RGS22: variants seen among roughly 807,000 people sequenced by gnomAD.
RGS22 encodes regulator of G protein signaling 22, also known as regulator of G-protein signaling 22.
In RGS22, 148 loss-of-function variants were observed where a neutral mutation model predicts 172.9. That is an observed-to-expected ratio of 0.86 (90% confidence interval 0.75 to 0.98). The LOEUF (loss-of-function observed/expected upper bound fraction) is 0.98. Ranked by LOEUF, RGS22 falls within the 50% of genes least tolerant of loss-of-function variation. RGS22 has a pLI of 0.00. For missense variants in RGS22, 1,347 were observed against 1,440.8 expected, an observed-to-expected ratio of 0.93 and a Z score of 1.05; for synonymous variants, 458 against 480.2, an observed-to-expected ratio of 0.95 and a Z score of 0.60.
rs1812782650 is a variant in RGS22, at chr8:99,983,631, CA to C, written c.3181-1516del. ...GAAGTATCCGTTCATGTCCTTTGCCCAAAATGAGCTAGTTTTAAAGTCACAG... is the reference window on the plus strand; with the variant it reads ...GAAGTATCCGTTCATGTCCTTTGCCCAAATGAGCTAGTTTTAAAGTCACAG... On this transcript the variant is annotated intron_variant, in intron 21 of 27. Transcript: ENST00000360863. Among the ~76,000 whole-genome samples, 3 of 152,154 alleles carry C rather than the reference CA, an allele frequency of 2.0e-5. No individual in the cohort carries two copies. In the South Asian group the frequency reaches 6.2e-4, roughly 32 times the overall value.
At chr8:99,998,849 A>G (rs1814675331) in intron 19 of RGS22, among the ~76,000 whole-genome samples, 1 of 152,024 alleles carries the variant, frequency 6.6e-6, no homozygotes, top group East Asian at 1.9e-4. Context: ...ACTTCAAACC[A>G]TTCTCAACAG....
chr8:100,089,756 CTTTG>C (rs1337144936), intron 3 of RGS22, among the ~76,000 whole-genome samples: 3 of 152,108 alleles, frequency 2.0e-5, no homozygotes, highest in African/African-American at 4.8e-5. Flanking sequence ...ACCACATTAG[CTTTG>C]TTTGTTTTGG....
intron 2 of RGS22, among the ~76,000 whole-genome samples, chr8:100,104,700 C>T (rs1245213105): frequency 6.6e-6 from 1 of 152,122 alleles, no homozygotes; most frequent in African/African-American, 2.4e-5. Flanking sequence ...AATTAGCCAA[C>T]AAGAGAAGTA....
intron 3 of RGS22, among the ~76,000 whole-genome samples, chr8:100,092,706 A>C (rs1482414521): frequency 6.6e-6 from 1 of 152,102 alleles, no homozygotes; most frequent in Non-Finnish European, 1.5e-5. Flanking sequence ...ATAAATTTCC[A>C]TTCCTTATAC....
At chr8:99,967,983 T>C (rs1810930917) in intron 23 of RGS22, among the ~76,000 whole-genome samples, 1 of 152,142 alleles carries the variant, frequency 6.6e-6, no homozygotes, top group South Asian at 2.1e-4. Context: ...ACAGGATAGA[T>C]CCAAGTGGCA....
intron 23 of RGS22, among the ~76,000 whole-genome samples, chr8:99,966,680 T>C (rs1810766662): frequency 6.6e-6 from 1 of 152,172 alleles, no homozygotes. Context: ...ATTAAAGCCA[T>C]GAAAGTAAGA....
At chr8:99,999,183 C>A in intron 19 of RGS22, 79 bp downstream of exon 19, 1 of 1,207,848 alleles carries the variant, frequency 8.3e-7, no homozygotes. Flanking sequence ...AGGACAATGG[C>A]TGGGTCACCA....
At chr8:99,990,162 T>A (rs1013414282) in intron 20 of RGS22, among the ~76,000 whole-genome samples, 2 of 152,146 alleles carry the variant, frequency 1.3e-5, no homozygotes, top group East Asian at 3.9e-4. Flanking sequence ...GAGCTCCTTA[T>A]TCAGGAGGCG....
intron 23 of RGS22, among the ~76,000 whole-genome samples, chr8:99,973,465 G>A (rs1468879427): frequency 6.6e-6 from 1 of 152,136 alleles, no homozygotes; most frequent in Non-Finnish European, 1.5e-5. Context: ...GTTGAACAAT[G>A]AGAACACATG....
At chr8:100,093,814 C>G (rs1586275393) in intron 2 of RGS22, among the ~76,000 whole-genome samples, 1 of 152,120 alleles carries the variant, frequency 6.6e-6, no homozygotes, top group African/African-American at 2.4e-5. Context: ...GAAACATCAA[C>G]AAATACAAAA....
intron 4 of RGS22, among the ~76,000 whole-genome samples, chr8:100,072,804 C>T (rs1417459258): frequency 6.6e-6 from 1 of 152,148 alleles, no homozygotes; most frequent in Non-Finnish European, 1.5e-5. Flanking sequence ...GGAGAGGTTT[C>T]CCACAGAACA....
At chr8:99,995,730 T>C (rs1487446532) in intron 20 of RGS22, among the ~76,000 whole-genome samples, 1 of 152,166 alleles carries the variant, frequency 6.6e-6, no homozygotes, top group Non-Finnish European at 1.5e-5. Flanking sequence ...AGAACTAGAA[T>C]TACCATTTGA....
chr8:99,992,563 C>T (rs1472476828), intron 20 of RGS22, among the ~76,000 whole-genome samples: 1 of 152,142 alleles, frequency 6.6e-6, no homozygotes, highest in Admixed American at 6.5e-5. Flanking sequence ...ACAAGAAGAG[C>T]TAACTATCCT....
intron 18 of RGS22, 78 bp downstream of exon 18, chr8:100,002,124 T>C: frequency 1.8e-6 from 2 of 1,141,330 alleles, no homozygotes; most frequent in Non-Finnish European, 2.5e-6. Flanking sequence ...ATAAGAGACT[T>C]TCAGGTTGTT....
At chr8:100,051,465 AATATATATT>A (rs1821301298) in intron 10 of RGS22, among the ~76,000 whole-genome samples, 1 of 110,150 alleles carries the variant, frequency 9.1e-6, no homozygotes, top group Non-Finnish European at 1.7e-5. Context: ...ATTATATATA[AATATATATT>A]ATATATATTT....
At chr8:100,070,906 A>G (rs1810919158) in intron 6 of RGS22, among the ~76,000 whole-genome samples, 1 of 151,160 alleles carries the variant, frequency 6.6e-6, no homozygotes, top group Admixed American at 6.6e-5. Flanking sequence ...ATTAGTTAGC[A>G]TAAATCTATA....
intron 21 of RGS22, among the ~76,000 whole-genome samples, chr8:99,983,215 C>T (rs1486985265): frequency 1.3e-5 from 2 of 152,118 alleles, no homozygotes; most frequent in Admixed American, 6.5e-5. Flanking sequence ...TGATGGGCAC[C>T]TGGGTTGATT....
chr8:99,982,111 C>T lies in RGS22; in HGVS notation c.3186G>A (p.Leu1062=), dbSNP rs747369891. The part of the protein sequence containing the change: ...FWQEVQKYKD[L]CHSHCDESVI... The stretch of plus-strand genomic sequence containing the variant: ...CAGACTCATCACAATGAGAATGGCA[C>T]AAGTCCTGAACAGAAGGAAAGATAG... The change falls in exon 22 of 28, where the codon TTG becomes TTA. Residue 1062 remains leucine, a synonymous_variant. Transcript: ENST00000360863. The T allele has an allele frequency of 6.2e-7, 1 of 1,609,886 alleles. No homozygotes were observed.
chr8:99,988,203 AATG>A (rs920972559), intron 20 of RGS22, among the ~76,000 whole-genome samples: 17 of 151,620 alleles, frequency 1.1e-4, no homozygotes, highest in Non-Finnish European at 2.2e-4. Flanking sequence ...GATTTAAAAT[AATG>A]ATAACAAATA....
Sources: gnomAD v4.1 joint callset for allele counts (sites outside exome capture counted in the v4.1 genomes callset) on GRCh38, gnomAD v4.1.1 for gene constraint, MANE v1.5 for transcripts, NCBI Gene and HGNC (gene_info 2026-07-23, HGNC 2026-07-21) for gene names.